The following LUC7L3 variants were observed in gnomAD, a reference collection of about 807,000 sequenced individuals.
LUC7L3 encodes the protein LUC7 like 3 pre-mRNA splicing factor.
In LUC7L3, 6 loss-of-function variants were observed where a neutral mutation model predicts 66.8. The ratio of observed to expected loss-of-function variants is 0.09; its 90% CI spans 0.05 to 0.18. LUC7L3 has a LOEUF of 0.18. Among genes scored for constraint, LUC7L3 ranks in the 10% least tolerant of loss-of-function variants. The pLI is 1.00. For missense variants in LUC7L3, 341 were observed against 531.1 expected (o/e 0.64, Z 3.52); for synonymous variants, 160 against 174.7 (o/e 0.92, Z 0.66).
rs974303064 is a variant in LUC7L3 at position 50,743,377 on chromosome 17, T to A, written c.427-329T>A. Among the ~76,000 whole-genome samples the A allele has an allele frequency of 6.6e-5, 10 of 152,054 alleles. No homozygotes were observed. The South Asian group carries it at 1.0e-3, about 16-fold the overall frequency. ...CCATGCCTGGCTAATTTTTTTTTTTTATATTTTTAGTAGAGATGGGGTTTC... is the reference window on the plus strand; with the variant it reads ...CCATGCCTGGCTAATTTTTTTTTTTAATATTTTTAGTAGAGATGGGGTTTC... On this transcript the variant is annotated intron_variant, in intron 5 of 9. Transcript: ENST00000505658.
At chr17:50,748,817 G>T (rs1379192000) in intron 9 of LUC7L3, among the ~76,000 whole-genome samples, 1 of 151,862 alleles carries the variant, frequency 6.6e-6, no homozygotes, top group Non-Finnish European at 1.5e-5. Flanking sequence ...ATAATTTATT[G>T]GCATTTTGAA....
chr17:50,738,643 G>T (rs1277665114), intron 2 of LUC7L3, among the ~76,000 whole-genome samples: 4 of 152,120 alleles, frequency 2.6e-5, no homozygotes, highest in Admixed American at 2.6e-4. Flanking sequence ...AGAAAGATTT[G>T]AAAATAAAAT....
Position 50,755,428 on chromosome 17 carries a change from T to G in LUC7L3, c.*4767T>G, listed in dbSNP as rs927543691. 5.3e-5 allele frequency: 8 copies of G among 152,252 alleles called. No homozygotes were observed. Among genetic ancestry groups the G allele is most frequent in the Admixed American group, 1.3e-4 (2 of 15,284 alleles). 9.4% of individuals were successfully genotyped at this position (152,252 alleles called of 1,614,324 possible). A position where few individuals can be genotyped will look rare whatever the true frequency, so the allele number is the denominator to read the frequency against. ...ATATTTAGAAACATTTATTTTGAGATAAAGGAGAGCACTTTTAAGTTGAAC... is the reference window on the plus strand; with the variant it reads ...ATATTTAGAAACATTTATTTTGAGAGAAAGGAGAGCACTTTTAAGTTGAAC... On this transcript the variant is annotated 3_prime_UTR_variant, in exon 10 of 10. Transcript: ENST00000505658.
intron 4 of LUC7L3, 63 bp from the exon 5 acceptor site, chr17:50,741,594 G>A (rs1970350712): frequency 2.1e-6 from 2 of 972,584 alleles, no homozygotes; most frequent in South Asian, 1.4e-5. Context: ...TATGGTATGT[G>A]CAAGTTTGCA....
At chr17:50,734,961 G>C (rs568434466) in intron 1 of LUC7L3, among the ~76,000 whole-genome samples, 1 of 152,120 alleles carries the variant, frequency 6.6e-6, no homozygotes, top group East Asian at 1.9e-4. Context: ...ACGTCTGAGC[G>C]CGGTGAGGCC....
In LUC7L3 at chr17:50,751,187, TGCC is replaced by T; in HGVS notation, c.*527_*529del. 1 of 1,471,656 alleles carries T rather than the reference TGCC, an allele frequency of 6.8e-7. No homozygotes were observed. Among genetic ancestry groups the T allele is most frequent in the African/African-American group, 1.4e-5 (1 of 71,362 alleles). The allele number at this position is 1,471,656 out of a possible 1,614,324, so 91.2% of individuals were successfully genotyped here. On this transcript the variant is annotated 3_prime_UTR_variant, in exon 10 of 10. Coordinates refer to ENST00000505658, the MANE Select transcript of LUC7L3 (RefSeq NM_016424.5). ...GGATGTTTCTAGTTTTTTGCTTTAT[TGCC>T]TTGCATTCTAATGCAGTTTGTTCTG... is the stretch of plus-strand genomic sequence containing the variant.
Position 50,753,937 on chromosome 17 carries a change from C to G in LUC7L3, c.*3276C>G, listed in dbSNP as rs915674037. 2.6e-5 allele frequency: 4 copies of G among 151,994 alleles called. No homozygotes were observed. The highest frequency in any genetic ancestry group is 7.3e-5 in the African/African-American group (3 of 41,370). The allele number at this position is 151,994 out of a possible 1,614,324, so 9.4% of individuals were successfully genotyped here. A position where few individuals can be genotyped will look rare whatever the true frequency, so the allele number is the denominator to read the frequency against. Reference sequence around the variant, plus strand: ...GGATGTGGGGGTGGTGGGAGGAGGACCTGCCTCCCCAGGACATCTATGACT... The same window carrying G: ...GGATGTGGGGGTGGTGGGAGGAGGAGCTGCCTCCCCAGGACATCTATGACT... On this transcript the variant is annotated 3_prime_UTR_variant, in exon 10 of 10. Coordinates refer to ENST00000505658, the MANE Select transcript of LUC7L3 (RefSeq NM_016424.5).
rs1435708391 is a variant in LUC7L3, at chr17:50,752,045, A to G, written c.*1384A>G. The stretch of plus-strand genomic sequence containing the variant: ...CAAGCATACACAGGCACATGGCTTT[A>G]AGAACCACACTGATGCCTTGATAAT... On this transcript the variant is annotated 3_prime_UTR_variant, in exon 10 of 10. Transcript: ENST00000505658. The G allele has an allele frequency of 2.7e-6, 3 of 1,129,804 alleles. No homozygotes were observed. The highest frequency in any genetic ancestry group is 3.3e-6 in the Non-Finnish European group (3 of 911,916). The allele number at this position is 1,129,804 out of a possible 1,614,324, so 70.0% of individuals were successfully genotyped here.
At position 50,753,827 on chromosome 17, in the gene LUC7L3, C is replaced by G. The variant is rs1971061011; in HGVS notation, c.*3166C>G. The G allele has an allele frequency of 1.3e-5, 2 of 152,154 alleles. No individual in the cohort carries two copies. Among genetic ancestry groups the G allele is most frequent in the Non-Finnish European group, 2.9e-5 (2 of 68,020 alleles). 9.4% of individuals were successfully genotyped at this position (152,154 alleles called of 1,614,324 possible). A position where few individuals can be genotyped will look rare whatever the true frequency, so the allele number is the denominator to read the frequency against. On this transcript the variant is annotated 3_prime_UTR_variant, in exon 10 of 10. Transcript: ENST00000505658. ...TCATCTAGAATCAACGTCTAACTAA[C>G]TTAAATGAAGTATAATAAATGAGTT...
At chr17:50,720,222 C>G (rs1190858063) in intron 1 of LUC7L3, among the ~76,000 whole-genome samples, 2 of 152,156 alleles carry the variant, frequency 1.3e-5, no homozygotes, top group Non-Finnish European at 2.9e-5. Flanking sequence ...AAATTTCTGA[C>G]CAGGATTCAT....
rs1249957255 is a variant in LUC7L3 at position 50,746,658 on chromosome 17, G to A, written c.1094G>A (p.Ser365Asn). Residue 365 changes from serine (S) to asparagine (N), a missense_variant, in exon 9 of 10, where the codon AGC becomes AAC. Around this residue, in one of 6 missense-constraint regions of LUC7L3, gnomAD observed 210 missense variants for 238.1 expected, o/e 0.88. Coordinates refer to ENST00000505658, the MANE Select transcript of LUC7L3 (RefSeq NM_016424.5). ...GATCGAAAGTCATATAAGCACAGGA[G>A]CAAAAGTCGGGACAGAGAACAAGAT... Reference protein sequence around the residue: ...SRDRKSYKHRSKSRDREQDRK... With the variant: ...SRDRKSYKHRNKSRDREQDRK... The A allele has an allele frequency of 1.2e-6, 2 of 1,614,058 alleles. No individual in the cohort carries two copies. The highest frequency in any genetic ancestry group is 2.2e-5 in the South Asian group (2 of 91,078).
At chr17:50,744,579 A>G in intron 6 of LUC7L3, 73 bp from the exon 7 acceptor site, 1 of 1,375,580 alleles carries the variant, frequency 7.3e-7, no homozygotes, top group Non-Finnish European at 1.0e-6. Flanking sequence ...AATCTTTTCT[A>G]AATGTTGAGT....
At position 50,724,648 on chromosome 17, in the gene LUC7L3, A is replaced by G. The variant is rs1480052042; in HGVS notation, c.99+4817A>G. 2.5e-5 allele frequency among the ~76,000 whole-genome samples: 3 copies of G among 119,656 alleles called. No individual in the cohort carries two copies. The Admixed American group carries it at 2.8e-4, about 11-fold the overall frequency. The allele number at this position is 119,656 out of a possible 152,430, so 78.5% of individuals were successfully genotyped here. Reference sequence around the variant, plus strand: ...GTGTGTGTGTGTGTGTGTGTGTGTCATTATATATGTTATTAGCCTTGATTT... The same window carrying G: ...GTGTGTGTGTGTGTGTGTGTGTGTCGTTATATATGTTATTAGCCTTGATTT... On this transcript the variant is annotated intron_variant, in intron 1 of 9. Coordinates refer to ENST00000505658, the MANE Select transcript of LUC7L3 (RefSeq NM_016424.5).
At chr17:50,738,407 C>T (rs1239926975) in intron 2 of LUC7L3, among the ~76,000 whole-genome samples, 1 of 152,044 alleles carries the variant, frequency 6.6e-6, no homozygotes. Flanking sequence ...TTAACAAAAC[C>T]AACAGAGAAA....
chr17:50,739,340 T>G (rs754879814), intron 2 of LUC7L3, among the ~76,000 whole-genome samples: 1 of 152,138 alleles, frequency 6.6e-6, no homozygotes, highest in Non-Finnish European at 1.5e-5. Flanking sequence ...ATAGCTGAGT[T>G]TGAAGTGTTT....
At chr17:50,749,439 G>C in intron 9 of LUC7L3, 2 of 1,090,584 alleles carry the variant, frequency 1.8e-6, no homozygotes, top group Non-Finnish European at 2.4e-6. Context: ...ATTGCTTTGT[G>C]TATTATGCAA....
chr17:50,733,697 G>A (rs973669795), intron 1 of LUC7L3, among the ~76,000 whole-genome samples: 2 of 152,170 alleles, frequency 1.3e-5, no homozygotes, highest in African/African-American at 2.4e-5. Context: ...CCAGTTCACA[G>A]TAATAGTAAG....
intron 6 of LUC7L3, 76 bp downstream of exon 6, chr17:50,743,886 T>G (rs1241270110): frequency 1.7e-5 from 18 of 1,082,756 alleles, no homozygotes; most frequent in Non-Finnish European, 2.2e-5. Flanking sequence ...TTGAGAACCT[T>G]TGAAAACTGA....
chr17:50,744,588 G>C (rs1325502644), intron 6 of LUC7L3, 64 bp from the exon 7 acceptor site: 1 of 1,442,908 alleles, frequency 6.9e-7, no homozygotes, highest in Non-Finnish European at 9.5e-7. Flanking sequence ...TAAATGTTGA[G>C]TACTTTCCTG....
Sources: gnomAD v4.1 joint callset for allele counts (sites outside exome capture counted in the v4.1 genomes callset) on GRCh38, gnomAD v4.1.1 for gene constraint, gnomAD v4.1.1 regional missense constraint, MANE v1.5 for transcripts, NCBI Gene and HGNC (gene_info 2026-07-23, HGNC 2026-07-21) for gene names.